The following F13B variants were observed in gnomAD, a reference collection of about 807,000 sequenced individuals.
F13B encodes the protein TGase.
A neutral mutation model predicts 79.8 loss-of-function variants in F13B; 58 were observed. That is an observed-to-expected ratio of 0.73 (90% CI 0.59 to 0.90). The LOEUF (loss-of-function observed/expected upper bound fraction) is 0.90. Ranked by LOEUF, F13B falls within the 40% of genes least tolerant of loss-of-function variation. The pLI is 0.00. For missense variants in F13B, 773 were observed against 777.0 expected, an observed-to-expected ratio of 0.99 and a Z score of 0.06; for synonymous variants, 283 against 260.3, an observed-to-expected ratio of 1.09 and a Z score of -0.84.
intron 5 of F13B, among the ~76,000 whole-genome samples, 186 bp from the exon 6 acceptor site, chr1:197,057,651 T>C (rs1389841268): frequency 3.3e-5 from 5 of 152,190 alleles, no homozygotes; most frequent in Non-Finnish European, 5.9e-5. Flanking sequence ...GAGTAGGACC[T>C]GTGACTTGCT....
chr1:197,057,054 G>C lies in F13B; in HGVS notation c.1130C>G (p.Thr377Ser). The part of the protein sequence containing the change: ...GYLLHGSNEI[T>S]CNRGKWTLPP... ...AAGTGTCCATTTTCCACGATTACAA[G>C]TTATCTCATTCGATCCATGGAGAAG... Residue 377 changes from threonine to serine, a missense_variant, in exon 7 of 12, where the codon ACT becomes AGT. Physicochemically the swap from Thr to Ser is moderately conservative, Grantham distance 58. Coordinates refer to ENST00000367412, the MANE Select transcript of F13B (RefSeq NM_001994.3). 1 of 1,613,730 alleles carries C rather than the reference G, an allele frequency of 6.2e-7. No individual in the cohort carries two copies. Among genetic ancestry groups the C allele is most frequent in the South Asian group, 1.1e-5 (1 of 91,084 alleles).
chr1:197,056,519 A>G (rs1655646311), intron 7 of F13B, among the ~76,000 whole-genome samples: 1 of 152,124 alleles, frequency 6.6e-6, no homozygotes, highest in Non-Finnish European at 1.5e-5. Flanking sequence ...GACCAGGGAC[A>G]TGTCTCAGAA....
intron 10 of F13B, among the ~76,000 whole-genome samples, chr1:197,045,219 G>C (rs1655185237): frequency 6.6e-6 from 1 of 151,938 alleles, no homozygotes; most frequent in Non-Finnish European, 1.5e-5. Context: ...ATGAATCCAG[G>C]AACTGTTTTT....
chr1:197,062,724 AAGAC>A (rs1655907014), intron 2 of F13B, 129 bp downstream of exon 2: 1 of 799,396 alleles, frequency 1.3e-6, no homozygotes, highest in East Asian at 2.4e-5. Context: ...ATTTTGTAGA[AAGAC>A]AGATTGCTAG....
chr1:197,048,347 A>G (rs1404234081), intron 10 of F13B, among the ~76,000 whole-genome samples: 2 of 151,946 alleles, frequency 1.3e-5, no homozygotes, highest in East Asian at 3.9e-4. Flanking sequence ...TATAAACTGC[A>G]TAAGTATATT....
At chr1:197,048,402 T>C (rs911449646) in intron 10 of F13B, among the ~76,000 whole-genome samples, 2 of 151,674 alleles carry the variant, frequency 1.3e-5, no homozygotes, top group African/African-American at 4.8e-5. Flanking sequence ...ACACTAAAAG[T>C]AAAAACCCAG....
At chr1:197,039,678 T>C (rs1654966726) in intron 11 of F13B, among the ~76,000 whole-genome samples, 1 of 152,094 alleles carries the variant, frequency 6.6e-6, no homozygotes. Flanking sequence ...TACCAAAACA[T>C]TTAAATAGCA....
At chr1:197,057,692 G>A (rs1424351508) in intron 5 of F13B, among the ~76,000 whole-genome samples, 1 of 152,068 alleles carries the variant, frequency 6.6e-6, no homozygotes, top group Non-Finnish European at 1.5e-5. Context: ...AAAGGTGATG[G>A]ATTAGTACGT....
At chr1:197,061,576 A>G (rs754256228) in intron 3 of F13B, among the ~76,000 whole-genome samples, 2 of 152,084 alleles carry the variant, frequency 1.3e-5, no homozygotes, top group Admixed American at 6.6e-5. Context: ...AGTAGGAACT[A>G]TTGGCGTAGG....
intron 1 of F13B, among the ~76,000 whole-genome samples, chr1:197,064,705 T>C (rs2125075780): frequency 6.6e-6 from 1 of 152,250 alleles, no homozygotes; most frequent in South Asian, 2.1e-4. Context: ...TCCTGTGATT[T>C]TTGCATTTTT....
chr1:197,055,633 T>C (rs1655612479), intron 8 of F13B, 82 bp downstream of exon 8: 13 of 1,414,374 alleles, frequency 9.2e-6, no homozygotes, highest in Middle Eastern at 2.1e-4. Context: ...TTGTACAAAA[T>C]CATCATTTTC....
chr1:197,051,018 G>A, intron 9 of F13B, 139 bp from the exon 10 acceptor site: 2 of 698,652 alleles, frequency 2.9e-6, no homozygotes, highest in Non-Finnish European at 2.5e-6. Context: ...TGCAACCTCT[G>A]CCTCCCAGGC....
chr1:197,055,498 C>G (rs1391194620), intron 8 of F13B, among the ~76,000 whole-genome samples: 2 of 151,866 alleles, frequency 1.3e-5, no homozygotes, highest in Non-Finnish European at 2.9e-5. Context: ...GAATTGTACA[C>G]TTAAAAATAG....
chr1:197,040,788 T>C, intron 10 of F13B, 53 bp from the exon 11 acceptor site: 1 of 1,426,952 alleles, frequency 7.0e-7, no homozygotes, highest in Non-Finnish European at 9.7e-7. Context: ...ACTATCTTGT[T>C]ACATCTTGGT....
chr1:197,067,174 T>C lies in F13B; in HGVS notation c.50A>G (p.Glu17Gly). Residue 17 changes from glutamate (E) to glycine (G), a missense_variant, in exon 1 of 12, where the codon GAA (glutamate) becomes GGA (glycine). Coordinates refer to ENST00000367412, the MANE Select transcript of F13B (RefSeq NM_001994.3). ...TFIIILIISG[E>G]LYAEEKPCGF... Reference sequence around the variant, plus strand: ...ATTAATTTTACCTTCTGCATAGAGTTCTCCTGAGATTATCAATATGATGAT... The same window carrying C: ...ATTAATTTTACCTTCTGCATAGAGTCCTCCTGAGATTATCAATATGATGAT... The C allele has an allele frequency of 6.3e-7, 1 of 1,597,130 alleles. No individual in the cohort carries two copies. The highest frequency in any genetic ancestry group is 2.2e-5 in the East Asian group (1 of 44,588).
intron 8 of F13B, among the ~76,000 whole-genome samples, chr1:197,053,811 G>A (rs1655537162): frequency 6.6e-6 from 1 of 152,040 alleles, no homozygotes; most frequent in South Asian, 2.1e-4. Context: ...AAAGCTTGAA[G>A]GAGACTGAGT....
intron 1 of F13B, among the ~76,000 whole-genome samples, chr1:197,063,353 T>A (rs1655939278): frequency 6.6e-6 from 1 of 151,770 alleles, no homozygotes; most frequent in African/African-American, 2.4e-5. Flanking sequence ...AGACACAGAG[T>A]CTTCCTCAGT....
intron 1 of F13B, among the ~76,000 whole-genome samples, chr1:197,063,652 A>T (rs1022406261): frequency 6.6e-6 from 1 of 152,166 alleles, no homozygotes; most frequent in South Asian, 2.1e-4. Flanking sequence ...ATTGTAAGTC[A>T]CTTATGTAAT....
intron 7 of F13B, among the ~76,000 whole-genome samples, chr1:197,056,514 G>C (rs1024999192): frequency 2.6e-5 from 4 of 152,090 alleles, no homozygotes; most frequent in African/African-American, 9.7e-5. Context: ...TGAAAGACCA[G>C]GGACATGTCT....
Sources: allele counts gnomAD v4.1 joint callset (sites outside exome capture counted in the v4.1 genomes callset), GRCh38; gene constraint gnomAD v4.1.1; transcripts MANE v1.5; gene names NCBI Gene and HGNC (gene_info 2026-07-23, HGNC 2026-07-21).